The following SAMD12 variants were observed in gnomAD, a reference collection of about 807,000 sequenced individuals.
SAMD12 encodes the protein sterile alpha motif domain containing 12.
Under a neutral mutation model 15.0 loss-of-function variants are expected in SAMD12, and 9 were observed. That is an observed-to-expected ratio of 0.60 (90% confidence interval 0.36 to 1.05). SAMD12 has a LOEUF of 1.05. Ranked by LOEUF, SAMD12 falls within the 50% of genes least tolerant of loss-of-function variation. SAMD12 has a pLI of 0.01. For missense variants in SAMD12, 230 were observed against 234.2 expected, an observed-to-expected ratio of 0.98 and a Z score of 0.12; for synonymous variants, 86 against 90.1, an observed-to-expected ratio of 0.96 and a Z score of 0.25.
chr8:118,473,143 T>G (rs1823853604), intron 2 of SAMD12, among the ~76,000 whole-genome samples: 1 of 152,160 alleles, frequency 6.6e-6, no homozygotes, highest in Non-Finnish European at 1.5e-5. Flanking sequence ...GTTCTGGCAG[T>G]GGCTCCTCCC....
chr8:118,232,463 T>C (rs752635659), intron 4 of SAMD12, among the ~76,000 whole-genome samples: 52 of 152,066 alleles, frequency 3.4e-4, no homozygotes, highest in Middle Eastern at 3.4e-3. Flanking sequence ...GAAGTGAGGG[T>C]AGAGGGCAAA....
intron 4 of SAMD12, among the ~76,000 whole-genome samples, chr8:118,255,019 G>C (rs950125113): frequency 6.6e-6 from 1 of 151,880 alleles, no homozygotes; most frequent in Non-Finnish European, 1.5e-5. Flanking sequence ...CTCTTAAGTC[G>C]ATGCCTTGGA....
At chr8:118,295,209 CTAAAT>C (rs1410750780) in intron 4 of SAMD12, among the ~76,000 whole-genome samples, 2 of 152,138 alleles carry the variant, frequency 1.3e-5, no homozygotes, top group Non-Finnish European at 2.9e-5. Flanking sequence ...GGTCAGAACT[CTAAAT>C]TATTGCTTTG....
intron 2 of SAMD12, among the ~76,000 whole-genome samples, chr8:118,511,692 A>T (rs1461629380): frequency 6.6e-6 from 1 of 152,216 alleles, no homozygotes; most frequent in Non-Finnish European, 1.5e-5. Flanking sequence ...TACGCAACAC[A>T]AAATCTACAG....
At chr8:118,367,337 T>TA (rs1264810714) in intron 4 of SAMD12, among the ~76,000 whole-genome samples, 1 of 152,234 alleles carries the variant, frequency 6.6e-6, no homozygotes, top group African/African-American at 2.4e-5. Flanking sequence ...GTCAATGTTC[T>TA]AAATCAACTG....
chr8:118,608,505 G>GTTTTGT (rs1828032723), intron 1 of SAMD12, among the ~76,000 whole-genome samples: 2 of 151,980 alleles, frequency 1.3e-5, no homozygotes, highest in Admixed American at 1.3e-4. Flanking sequence ...AAGGATCTGT[G>GTTTTGT]TTTTGTTTTT....
intron 2 of SAMD12, among the ~76,000 whole-genome samples, chr8:118,551,207 A>C (rs1246886425): frequency 2.0e-5 from 3 of 152,220 alleles, no homozygotes; most frequent in Non-Finnish European, 4.4e-5. Context: ...CTCCACCCCA[A>C]ATCAAGAGAA....
At chr8:118,197,793 T>A in intron 4 of SAMD12, 1 of 1,418,536 alleles carries the variant, frequency 7.0e-7, no homozygotes, top group Non-Finnish European at 1.0e-6. Flanking sequence ...CAGGCACTGA[T>A]ATGTAGCAAT....
intron 4 of SAMD12, among the ~76,000 whole-genome samples, chr8:118,328,312 C>T (rs1816655145): frequency 6.6e-6 from 1 of 152,198 alleles, no homozygotes; most frequent in Non-Finnish European, 1.5e-5. Context: ...GCTCTTCCTA[C>T]AGGCTGTGCC....
intron 2 of SAMD12, among the ~76,000 whole-genome samples, chr8:118,446,925 A>T (rs1329682624): frequency 6.6e-6 from 1 of 152,134 alleles, no homozygotes; most frequent in Admixed American, 6.5e-5. Flanking sequence ...GCAACTGATG[A>T]CTTCAGTTTA....
intron 2 of SAMD12, among the ~76,000 whole-genome samples, chr8:118,481,954 C>T (rs1238581379): frequency 1.3e-5 from 2 of 152,134 alleles, no homozygotes; most frequent in Non-Finnish European, 2.9e-5. Flanking sequence ...CGTTTAATTT[C>T]CCCAACAGCC....
intron 4 of SAMD12, among the ~76,000 whole-genome samples, chr8:118,298,252 T>C (rs1487123575): frequency 6.6e-6 from 1 of 152,252 alleles, no homozygotes; most frequent in Non-Finnish European, 1.5e-5. Context: ...ATGCACTTCT[T>C]ATAAACAACT....
intron 4 of SAMD12, among the ~76,000 whole-genome samples, chr8:118,224,389 A>G (rs983384886): frequency 1.5e-4 from 23 of 152,206 alleles, no homozygotes; most frequent in Admixed American, 1.5e-3. Context: ...AAATATCTTG[A>G]CTCCAAAATC....
intron 2 of SAMD12, among the ~76,000 whole-genome samples, chr8:118,472,334 C>A (rs1011911162): frequency 1.3e-5 from 2 of 151,616 alleles, no homozygotes; most frequent in East Asian, 3.9e-4. Context: ...AAGCACCTTT[C>A]AGACTGTTGT....
chr8:118,421,021 C>T (rs1821971616), intron 3 of SAMD12, among the ~76,000 whole-genome samples: 1 of 152,168 alleles, frequency 6.6e-6, no homozygotes, highest in Non-Finnish European at 1.5e-5. Flanking sequence ...GCTCTCCTAT[C>T]TGGTCCTTTA....
chr8:118,200,557 C>A (rs1819687111), intron 4 of SAMD12, among the ~76,000 whole-genome samples: 1 of 151,954 alleles, frequency 6.6e-6, no homozygotes, highest in Non-Finnish European at 1.5e-5. Flanking sequence ...ACAGTGGTGG[C>A]CATAATGAGT....
intron 4 of SAMD12, among the ~76,000 whole-genome samples, chr8:118,299,472 C>T (rs1814902839): frequency 6.6e-6 from 1 of 152,072 alleles, no homozygotes; most frequent in Non-Finnish European, 1.5e-5. Flanking sequence ...TTGAAGATGC[C>T]TAAGGGAGAA....
intron 3 of SAMD12, among the ~76,000 whole-genome samples, 196 bp downstream of exon 3, chr8:118,439,636 A>C (rs919474704): frequency 5.9e-5 from 9 of 152,020 alleles, no homozygotes; most frequent in African/African-American, 2.2e-4. Context: ...TAAAATCCAC[A>C]GTTTTCTATA....
chr8:118,499,540 G>T (rs1428540033), intron 2 of SAMD12, among the ~76,000 whole-genome samples: 1 of 152,132 alleles, frequency 6.6e-6, no homozygotes, highest in Non-Finnish European at 1.5e-5. Flanking sequence ...TCAGAGAGTG[G>T]ATCTGCAGCT....
Sources: allele counts gnomAD v4.1 joint callset (sites outside exome capture counted in the v4.1 genomes callset), GRCh38; gene constraint gnomAD v4.1.1; transcripts MANE v1.5; gene names NCBI Gene and HGNC (gene_info 2026-07-23, HGNC 2026-07-21).